The following STRN variants were observed in gnomAD, a reference collection of about 807,000 sequenced individuals.
STRN encodes the protein protein phosphatase 2 regulatory subunit B'''alpha.
In STRN, 53 loss-of-function variants were observed where a neutral mutation model predicts 96.3. That is an observed-to-expected ratio of 0.55 (90% CI 0.44 to 0.69). STRN has a LOEUF of 0.69. Ranked by LOEUF, STRN falls within the 30% of genes least tolerant of loss-of-function variation. The probability of loss-of-function intolerance (pLI) is 0.00; values close to 1 mark genes in which losing one functional copy is unlikely to be tolerated. For synonymous variants in STRN, 428 were observed against 355.9 expected (o/e 1.20, Z -2.28); for missense variants, 987 against 963.9 (o/e 1.02, Z -0.32).
chr2:36,962,530 T>C (rs1665052154), intron 1 of STRN, among the ~76,000 whole-genome samples: 3 of 146,364 alleles, frequency 2.0e-5, no homozygotes, highest in East Asian at 2.0e-4. Context: ...CCTTCACTAT[T>C]CTTTTTTTTT....
rs542435743 is a variant in STRN at position 36,928,409 on chromosome 2, T to C, written c.235-3201A>G. On this transcript the variant is annotated intron_variant, in intron 1 of 17. Coordinates refer to ENST00000263918, the MANE Select transcript of STRN (RefSeq NM_003162.4). ...GCTCACACCTGTAATCCCAGAACTT[T>C]GGGAGGCCGAGGCGGGGGGATCACT... is the stretch of plus-strand genomic sequence containing the variant. 1.8e-3 allele frequency among the ~76,000 whole-genome samples: 280 copies of C among 152,216 alleles called. 1 individual carries two copies. Among genetic ancestry groups the C allele is most frequent in the Non-Finnish European group, 2.1e-3 (144 of 68,002 alleles).
chr2:36,866,745 T>C (rs1197611327), intron 12 of STRN, among the ~76,000 whole-genome samples: 1 of 152,240 alleles, frequency 6.6e-6, no homozygotes, highest in Non-Finnish European at 1.5e-5. Context: ...TAGTTAAGAA[T>C]TTTCTTGAAT....
chr2:36,879,672 C>T (rs1669016520), intron 9 of STRN, among the ~76,000 whole-genome samples: 2 of 152,164 alleles, frequency 1.3e-5, no homozygotes, highest in African/African-American at 2.4e-5. Flanking sequence ...ATATGACAAA[C>T]ATTTGTGAGT....
chr2:36,927,104 T>C (rs772866479), intron 1 of STRN, among the ~76,000 whole-genome samples: 6 of 152,204 alleles, frequency 3.9e-5, no homozygotes, highest in African/African-American at 7.2e-5. Flanking sequence ...TAGTTTTGCA[T>C]TTCTGCTAAC....
chr2:36,878,069 G>A (rs779402369), intron 9 of STRN, 42 bp from the exon 10 acceptor site: 1 of 1,606,968 alleles, frequency 6.2e-7, no homozygotes, highest in Admixed American at 1.7e-5. Context: ...AATCTCTAAG[G>A]AGCCAACATT....
intron 12 of STRN, among the ~76,000 whole-genome samples, chr2:36,865,685 C>T (rs746339665): frequency 6.6e-6 from 1 of 152,124 alleles, no homozygotes; most frequent in Non-Finnish European, 1.5e-5. Flanking sequence ...CCTCAGCCTC[C>T]TGAGTAGCTG....
chr2:36,884,490 G>A (rs1169330209), intron 8 of STRN, among the ~76,000 whole-genome samples: 1 of 152,098 alleles, frequency 6.6e-6, no homozygotes, highest in Middle Eastern at 3.2e-3. Flanking sequence ...GGTACCCGAG[G>A]TGAAGTCTCA....
chr2:36,952,034 G>A (rs937888612), intron 1 of STRN, among the ~76,000 whole-genome samples: 2 of 152,066 alleles, frequency 1.3e-5, no homozygotes, highest in Admixed American at 6.6e-5. Context: ...GAACAATTTC[G>A]TCCCGAAAAT....
intron 1 of STRN, among the ~76,000 whole-genome samples, chr2:36,930,485 G>A (rs551863019): frequency 1.3e-5 from 2 of 150,834 alleles, no homozygotes; most frequent in South Asian, 2.1e-4. Context: ...TTTACCATCA[G>A]AATCACCCAG....
intron 2 of STRN, among the ~76,000 whole-genome samples, chr2:36,920,853 G>C (rs1171132214): frequency 6.6e-6 from 1 of 151,922 alleles, no homozygotes; most frequent in Non-Finnish European, 1.5e-5. Flanking sequence ...AAGGCGGGCG[G>C]ATCACAAGGT....
At chr2:36,902,799 C>T (rs1047463456) in intron 4 of STRN, 48 bp from the exon 5 acceptor site, 3 of 1,435,656 alleles carry the variant, frequency 2.1e-6, no homozygotes, top group Non-Finnish European at 2.8e-6. Context: ...AATCAGTATT[C>T]TATAATTTAA....
chr2:36,895,547 T>C (rs990683585), intron 6 of STRN, among the ~76,000 whole-genome samples: 6 of 152,030 alleles, frequency 3.9e-5, no homozygotes, highest in African/African-American at 1.4e-4. Context: ...TGAATGTGTA[T>C]TCTTTTATAA....
At chr2:36,937,628 T>G (rs1449972412) in intron 1 of STRN, among the ~76,000 whole-genome samples, 1 of 151,468 alleles carries the variant, frequency 6.6e-6, no homozygotes, top group Non-Finnish European at 1.5e-5. Context: ...GAGTCATGTT[T>G]GTACAACTGC....
Position 36,908,000 on chromosome 2 carries a change from AAAAT to A in STRN, c.413-2386_413-2383del, listed in dbSNP as rs531499591. Among the ~76,000 whole-genome samples the A allele has an allele frequency of 1.2e-4, 18 of 152,232 alleles. No homozygotes were observed. In the East Asian group the frequency reaches 3.1e-3, roughly 26 times the overall value. Reference sequence around the variant, plus strand: ...AGAGAAAATAAATTAAAAAAAATAAAAAATAAAAAAAGAAGGGAGCAAAAACGCT... The same window carrying A: ...AGAGAAAATAAATTAAAAAAAATAAAAAAAAAAGAAGGGAGCAAAAACGCT... On this transcript the variant is annotated intron_variant, in intron 3 of 17. Transcript: ENST00000263918.
chr2:36,871,747 T>C (rs111453243), intron 10 of STRN, among the ~76,000 whole-genome samples: 3 of 152,344 alleles, frequency 2.0e-5, no homozygotes, highest in African/African-American at 7.2e-5. Flanking sequence ...ACAGTATCTC[T>C]ACTTTACAGA....
At chr2:36,915,091 G>C (rs1321710089) in intron 3 of STRN, among the ~76,000 whole-genome samples, 1 of 150,716 alleles carries the variant, frequency 6.6e-6, no homozygotes, top group Non-Finnish European at 1.5e-5. Context: ...CAGCTACTCG[G>C]GAGGCTGAGG....
intron 10 of STRN, among the ~76,000 whole-genome samples, chr2:36,876,905 G>A (rs1427867852): frequency 1.3e-5 from 2 of 151,862 alleles, no homozygotes; most frequent in East Asian, 1.9e-4. Context: ...CTGCCACCAC[G>A]CCTGGCTAAT....
At chr2:36,852,584 T>C (rs1668247504) in intron 15 of STRN, among the ~76,000 whole-genome samples, 1 of 152,182 alleles carries the variant, frequency 6.6e-6, no homozygotes, top group Non-Finnish European at 1.5e-5. Context: ...TGTGACAAAA[T>C]GTTAAAAACT....
rs1668388530 is a variant in STRN at position 36,857,953 on chromosome 2, T to G, written c.1740A>C (p.Ala580=). 1 of 1,613,768 alleles carries G rather than the reference T, an allele frequency of 6.2e-7. No homozygotes were observed. The highest frequency in any genetic ancestry group is 8.5e-7 in the Non-Finnish European group (1 of 1,179,840). Residue 580 remains alanine, a synonymous_variant, in exon 14 of 18, where the codon GCA becomes GCC. Transcript: ENST00000263918. ...CTGAACAGGACAACAAACGCTGATGTGCTGCACTATAAGCCAAACCCCAGA... is the reference window on the plus strand; with the variant it reads ...CTGAACAGGACAACAAACGCTGATGGGCTGCACTATAAGCCAAACCCCAGA... The part of the protein sequence containing the change: ...DAVWGLAYSA[A]HQRLLSCSAD...
Sources: gnomAD v4.1 joint callset for allele counts (sites outside exome capture counted in the v4.1 genomes callset) on GRCh38, gnomAD v4.1.1 for gene constraint, MANE v1.5 for transcripts, NCBI Gene and HGNC (gene_info 2026-07-23, HGNC 2026-07-21) for gene names.